ERICH3: variants seen among roughly 807,000 people sequenced by gnomAD.
ERICH3 encodes the protein glutamate rich 3.
In ERICH3, 126 loss-of-function variants were observed where a neutral mutation model predicts 131.1. The ratio of observed to expected loss-of-function variants is 0.96; its 90% CI spans 0.83 to 1.11. The LOEUF (loss-of-function observed/expected upper bound fraction) is 1.11, where lower values mean the gene tolerates loss of function less well. Among genes scored for constraint, ERICH3 ranks in the 50% most tolerant of loss-of-function variants. The pLI, the probability that ERICH3 is intolerant of heterozygous loss-of-function variation, is 0.00. For synonymous variants in ERICH3, 695 were observed against 644.6 expected, an observed-to-expected ratio of 1.08 and a Z score of -1.18; for missense variants, 2,050 against 1,810.7, an observed-to-expected ratio of 1.13 and a Z score of -2.40.
chr1:74,651,809 C>A (rs978844057), intron 1 of ERICH3, among the ~76,000 whole-genome samples: 7 of 152,110 alleles, frequency 4.6e-5, no homozygotes, highest in Non-Finnish European at 7.4e-5. Context: ...TCCCTATTGA[C>A]TGATAAATTA....
intron 1 of ERICH3, among the ~76,000 whole-genome samples, chr1:74,664,304 G>T (rs1246796752): frequency 1.0e-5 from 1 of 96,760 alleles, no homozygotes; most frequent in Non-Finnish European, 2.0e-5. Context: ...ATACAAAAAG[G>T]AAGATTAAAA....
At chr1:74,588,312 A>G (rs768719706) in intron 12 of ERICH3, among the ~76,000 whole-genome samples, 1 of 152,142 alleles carries the variant, frequency 6.6e-6, no homozygotes, top group Non-Finnish European at 1.5e-5. Context: ...TCTATTTTAC[A>G]TGGGACTACT....
intron 11 of ERICH3, among the ~76,000 whole-genome samples, chr1:74,598,563 A>C (rs1170440367): frequency 1.3e-5 from 2 of 151,946 alleles, no homozygotes; most frequent in African/African-American, 4.8e-5. Flanking sequence ...TGCCTAATAA[A>C]GAGCCCCTCA....
At position 74,659,171 on chromosome 1, in the gene ERICH3, C is replaced by T. The variant is rs554222932; in HGVS notation, c.24-9856G>A. Among the ~76,000 whole-genome samples the T allele has an allele frequency of 8.5e-5, 13 of 152,264 alleles. No individual in the cohort carries two copies. In the South Asian group the frequency reaches 2.7e-3, roughly 32 times the overall value. The stretch of plus-strand genomic sequence containing the variant: ...AATAAGTGCCTGGCCATTTGAGGGG[C>T]AGGCGCGGGAACTTACAAGAGGATT... On this transcript the variant is annotated intron_variant, in intron 1 of 14. Coordinates refer to ENST00000326665, the MANE Select transcript of ERICH3 (RefSeq NM_001002912.5).
chr1:74,649,985 C>T (rs1275956549), intron 1 of ERICH3, among the ~76,000 whole-genome samples: 2 of 152,110 alleles, frequency 1.3e-5, no homozygotes, highest in Non-Finnish European at 2.9e-5. Context: ...TTGGTGTCCT[C>T]TGCTAGATTT....
chr1:74,594,868 T>C (rs1353942112), intron 11 of ERICH3, among the ~76,000 whole-genome samples: 5 of 152,174 alleles, frequency 3.3e-5, no homozygotes, highest in Admixed American at 6.6e-5. Flanking sequence ...ATTAGTGTCC[T>C]GATTTTAACT....
rs1570792146 is a variant in ERICH3 at position 74,572,975 on chromosome 1, T to C, written c.2735A>G (p.Asn912Ser). 6 of 1,614,122 alleles carry C rather than the reference T, an allele frequency of 3.7e-6. No homozygotes were observed. Among genetic ancestry groups the C allele is most frequent in the Non-Finnish European group, 5.1e-6 (6 of 1,180,018 alleles). Residue 912 changes from asparagine (N) to serine (S), a missense_variant, in exon 14 of 15, where the codon AAC (asparagine) becomes AGC (serine). Asn to Ser is a conservative substitution (Grantham distance 46). Coordinates refer to ENST00000326665, the MANE Select transcript of ERICH3 (RefSeq NM_001002912.5). The stretch of plus-strand genomic sequence containing the variant: ...TGCTACTTCATGAAGATGCTCCAAG[T>C]TCAGGGCTGCTGCTTCATTTGCAAG... ...AVLANEAAAL[N>S]LEHLHEVAAL...
Position 74,575,629 on chromosome 1 carries a change from G to T in ERICH3, c.2218+1266C>A, listed in dbSNP as rs530059642. ...TCTGTTGCTATTCAAATTCCTGCAT[G>T]AAAGTATACTAAAAAGTCAGTTATA... is the stretch of plus-strand genomic sequence containing the variant. On this transcript the variant is annotated intron_variant, in intron 13 of 14. Coordinates refer to ENST00000326665, the MANE Select transcript of ERICH3 (RefSeq NM_001002912.5). Among the ~76,000 whole-genome samples the T allele has an allele frequency of 5.3e-5, 8 of 152,320 alleles. No individual in the cohort carries two copies. In the South Asian group the frequency reaches 1.5e-3, roughly 28 times the overall value.
chr1:74,598,935 G>T (rs1366624560), intron 11 of ERICH3, among the ~76,000 whole-genome samples: 1 of 151,642 alleles, frequency 6.6e-6, no homozygotes, highest in Non-Finnish European at 1.5e-5. Flanking sequence ...CAATAAATTG[G>T]CATACCATAA....
chr1:74,642,276 CTT>C (rs1322549135), intron 4 of ERICH3, among the ~76,000 whole-genome samples: 1 of 152,104 alleles, frequency 6.6e-6, no homozygotes, highest in East Asian at 1.9e-4. Context: ...AAATTACTGT[CTT>C]TTATGGCAAA....
At chr1:74,663,914 T>C (rs1355612471) in intron 1 of ERICH3, among the ~76,000 whole-genome samples, 1 of 152,104 alleles carries the variant, frequency 6.6e-6, no homozygotes, top group South Asian at 2.1e-4. Context: ...CAGAGACATA[T>C]GGTAGGAATT....
chr1:74,629,974 G>A (rs892800444), intron 7 of ERICH3, among the ~76,000 whole-genome samples: 7 of 152,130 alleles, frequency 4.6e-5, no homozygotes, highest in African/African-American at 7.2e-5. Context: ...AGAGTTCATC[G>A]TGAAGGTGTA....
At chr1:74,622,073 G>C (rs1227497869) in intron 7 of ERICH3, 1 of 152,136 alleles carries the variant, frequency 6.6e-6, no homozygotes, top group African/African-American at 2.4e-5. Flanking sequence ...GAATAACAAC[G>C]CTGCAACAAA....
At chr1:74,624,088 C>A (rs1220444932) in intron 7 of ERICH3, 1 of 152,152 alleles carries the variant, frequency 6.6e-6, no homozygotes, top group African/African-American at 2.4e-5. Context: ...TCCAACTGGA[C>A]ACAGACATGG....
intron 7 of ERICH3, among the ~76,000 whole-genome samples, chr1:74,629,369 G>GT (rs893113572): frequency 1.5e-3 from 222 of 149,460 alleles, no homozygotes; most frequent in Middle Eastern, 7.0e-3. Context: ...AGAGAAAAAG[G>GT]TTTTTTTTTT....
chr1:74,656,182 A>G (rs1244892669), intron 1 of ERICH3, among the ~76,000 whole-genome samples: 2 of 152,140 alleles, frequency 1.3e-5, no homozygotes, highest in Admixed American at 6.5e-5. Context: ...AAAATTTCAT[A>G]TAATCTCCAT....
chr1:74,588,295 T>C (rs1283690387), intron 12 of ERICH3, among the ~76,000 whole-genome samples: 2 of 152,202 alleles, frequency 1.3e-5, no homozygotes, highest in African/African-American at 4.8e-5. Context: ...TAGCATTTTT[T>C]ACCTTCTCTA....
rs147763194 is a variant in ERICH3, at chr1:74,572,884, G to A, written c.2826C>T (p.Val942=). 5.6e-6 allele frequency: 9 copies of A among 1,613,548 alleles called. No homozygotes were observed. Among genetic ancestry groups the A allele is most frequent in the Admixed American group, 3.3e-5 (2 of 59,974 alleles). Residue 942 remains valine (V), a synonymous_variant, in exon 14 of 15, where the codon GTC becomes GTT. Transcript: ENST00000326665. ...TGGATGCTTCCTCTTCACTTTCTCC[G>A]ACATCACTCACAGCCACCCCACCCT... ...EAEGGVAVSD[V]GESEEEASID...
chr1:74,640,115 G>C (rs2100633081), intron 5 of ERICH3, among the ~76,000 whole-genome samples: 1 of 152,224 alleles, frequency 6.6e-6, no homozygotes, highest in East Asian at 1.9e-4. Flanking sequence ...AAGATCTGCT[G>C]GATGTATCAT....
Sources: allele counts gnomAD v4.1 joint callset (sites outside exome capture counted in the v4.1 genomes callset), GRCh38; gene constraint gnomAD v4.1.1; transcripts MANE v1.5; gene names NCBI Gene and HGNC (gene_info 2026-07-23, HGNC 2026-07-21).